The following DNAH10 variants were observed in gnomAD, a reference collection of about 807,000 sequenced individuals.
DNAH10 encodes the protein axonemal beta dynein heavy chain 10.
Under a neutral mutation model 506.6 loss-of-function variants are expected in DNAH10, and 348 were observed. The observed-to-expected ratio is 0.69, with a 90% confidence interval of 0.63 to 0.75. The LOEUF is 0.75. Among genes scored for constraint, DNAH10 ranks in the 30% least tolerant of loss-of-function variants. The pLI, the probability that DNAH10 is intolerant of heterozygous loss-of-function variation, is 0.00. For synonymous variants in DNAH10, 2,059 were observed against 2,198.6 expected (o/e 0.94, Z 1.78); for missense variants, 5,179 against 5,787.1 (o/e 0.89, Z 3.41).
Position 123,767,624 on chromosome 12 carries a change from CTGAAG to C in DNAH10, c.234_238del (p.Glu79GlyfsTer17). The C allele has an allele frequency of 6.2e-7, 1 of 1,612,672 alleles. No homozygotes were observed. The highest frequency in any genetic ancestry group is 2.2e-5 in the East Asian group (1 of 44,852). On this transcript the variant is annotated frameshift_variant, in exon 2 of 79. Transcript: ENST00000673944. LOFTEE classifies it high-confidence loss of function. ...CATAAAGATGAGATACCTGTCCTGT[CTGAAG>C]AGGGAGAAGAGGAAGAAGAGACTTA...
rs143792159 is a variant in DNAH10, at chr12:123,910,281, C to T, written c.9998-255C>T. On this transcript the variant is annotated intron_variant, in intron 58 of 78. Coordinates refer to ENST00000673944, the MANE Select transcript of DNAH10 (RefSeq NM_001372106.1). The stretch of plus-strand genomic sequence containing the variant: ...ACCTGGGTGCCCAGTTGGGAGTCTC[C>T]GTTACGCCCTGGGTCTCCTGTGTGA... Among the ~76,000 whole-genome samples the T allele has an allele frequency of 3.3e-3, 496 of 152,246 alleles. 3 individuals carry two copies. Among genetic ancestry groups the T allele is most frequent in the African/African-American group, 0.011 (469 of 41,536 alleles).
rs766752751 is a variant in DNAH10 at position 123,800,241 on chromosome 12, C to T, written c.2315C>T (p.Ser772Leu). The change falls in exon 15 of 79, where the codon TCG becomes TTG. Residue 772 changes from serine to leucine, a missense_variant. Around this residue, in one of 3 missense-constraint regions of DNAH10, gnomAD observed 4,844 missense variants for 5,430.5 expected, o/e 0.89. Transcript: ENST00000673944. ...TCTTCCATCGCCACAGAGGAGCCTT[C>T]GACTTTAGAAAGGGGAGCTGTTTTT... ...TKSSIATEEP[S>L]TLERGAVFAI... is the part of the protein sequence containing the mutation. The T allele has an allele frequency of 2.4e-5, 39 of 1,613,740 alleles. No homozygotes were observed. The highest frequency in any genetic ancestry group is 9.9e-5 in the South Asian group (9 of 91,010).
intron 7 of DNAH10, 93 bp from the exon 8 acceptor site, chr12:123,783,854 T>C: frequency 8.4e-7 from 1 of 1,186,442 alleles, no homozygotes; most frequent in Non-Finnish European, 1.2e-6. Flanking sequence ...ATTGGAGCAG[T>C]TGGACAGAAA....
At chr12:123,935,211 G>A (rs1174246434) in intron 78 of DNAH10, 124 bp from the exon 79 acceptor site, 4 of 1,182,054 alleles carry the variant, frequency 3.4e-6, no homozygotes, top group Non-Finnish European at 4.8e-6. Flanking sequence ...CCCCAGCCTT[G>A]TGCGTGTTCT....
At chr12:123,911,894 A>T (rs1174497785) in intron 59 of DNAH10, among the ~76,000 whole-genome samples, 3 of 6,920 alleles carry the variant, frequency 4.3e-4, no homozygotes, top group African/African-American at 1.5e-3. Flanking sequence ...TCCCGGGGGG[A>T]CTGTCCCGGG....
chr12:123,778,733 T>C (rs1161347667), intron 5 of DNAH10, among the ~76,000 whole-genome samples: 1 of 152,044 alleles, frequency 6.6e-6, no homozygotes, highest in Non-Finnish European at 1.5e-5. Context: ...TTCAAATGCA[T>C]GAGTTAAAAA....
Position 123,864,650 on chromosome 12 carries a change from G to A in DNAH10, c.6964G>A (p.Val2322Met). 6.2e-6 allele frequency: 10 copies of A among 1,614,004 alleles called. No homozygotes were observed. Among genetic ancestry groups the A allele is most frequent in the Non-Finnish European group, 7.6e-6 (9 of 1,179,894 alleles). ...DALWVENMNSVMDDNRLLTLA... is the reference protein window; with the variant it reads ...DALWVENMNSMMDDNRLLTLA... ...TCTATGGGTGGAAAACATGAATTCT[G>A]TGATGGATGACAACAGGTTGTTGAC... The change falls in exon 40 of 79, where the codon GTG becomes ATG. Residue 2322 changes from valine (V) to methionine (M), a missense_variant. This residue lies in a region of DNAH10 where 4,844 missense variants were observed against 5,430.5 expected (regional missense o/e 0.89). Coordinates refer to ENST00000673944, the MANE Select transcript of DNAH10 (RefSeq NM_001372106.1).
rs762465091 is a variant in DNAH10, at chr12:123,864,713, T to C, written c.7027T>C (p.Cys2343Arg). 11 of 1,613,754 alleles carry C rather than the reference T, an allele frequency of 6.8e-6. No homozygotes were observed. Among genetic ancestry groups the C allele is most frequent in the South Asian group, 4.4e-5 (4 of 90,980 alleles). The change falls in exon 40 of 79, where the codon TGT becomes CGT. Residue 2343 changes from cysteine to arginine, a missense_variant. Physicochemically the swap from Cys to Arg is radical, Grantham distance 180 (BLOSUM62 -3). Coordinates refer to ENST00000673944, the MANE Select transcript of DNAH10 (RefSeq NM_001372106.1). The stretch of plus-strand genomic sequence containing the variant: ...GGAACGCATCCGGCTCCAAGCACAC[T>C]GTGCCCTGCTCTTTGAGGCAAGTAG... The part of the protein sequence containing the change: ...NGERIRLQAH[C>R]ALLFEVGDLQ...
At chr12:123,811,972 G>A (rs78883615) in intron 19 of DNAH10, among the ~76,000 whole-genome samples, 24,311 of 152,072 alleles carry the variant, frequency 0.16, 2,828 homozygotes, top group African/African-American at 0.33. Flanking sequence ...AATATTGGAA[G>A]CAGAAGTATT....
intron 2 of DNAH10, 66 bp from the exon 3 acceptor site, chr12:123,771,535 C>A: frequency 1.5e-6 from 2 of 1,332,894 alleles, no homozygotes; most frequent in Non-Finnish European, 2.1e-6. Context: ...AAATGCAGGG[C>A]TGCTCTTGAT....
intron 11 of DNAH10, among the ~76,000 whole-genome samples, chr12:123,792,781 C>A (rs1003220528): frequency 6.6e-6 from 1 of 152,048 alleles, no homozygotes; most frequent in African/African-American, 2.4e-5. Flanking sequence ...CTTTTTGAGC[C>A]TGTTACAAAG....
In DNAH10 at chr12:123,926,818, A is replaced by G. The variant is rs1190523896; in HGVS notation, c.12103A>G (p.Lys4035Glu). ...CCTTGCAATGGGTCAAGGTCAAGAAAAGGTAATTTGTGGCTGAAAGGAACA... is the reference window on the plus strand; with the variant it reads ...CCTTGCAATGGGTCAAGGTCAAGAAGAGGTAATTTGTGGCTGAAAGGAACA... ...KFLAMGQGQE[K>E]VALQLLETAV... The change falls in exon 69 of 79, where the codon AAG (lysine) becomes GAG (glutamate). Residue 4035 changes from lysine to glutamate, a missense_variant and splice_region_variant. By Grantham distance (56) the Lys-to-Glu change is moderately conservative. Coordinates refer to ENST00000673944, the MANE Select transcript of DNAH10 (RefSeq NM_001372106.1). The surrounding 1 kb of genome is among the most constrained non-coding windows in gnomAD (Gnocchi z 4.1). 6.2e-7 allele frequency: 1 copy of G among 1,613,768 alleles called. No homozygotes were observed. The highest frequency in any genetic ancestry group is 1.3e-5 in the African/African-American group (1 of 75,018).
intron 48 of DNAH10, 126 bp from the exon 49 acceptor site, chr12:123,879,138 G>T (rs78591679): frequency 1.3e-5 from 9 of 714,394 alleles, no homozygotes; most frequent in Non-Finnish European, 1.9e-5. Context: ...GACTAGGGGG[G>T]CACGACTGGA....
chr12:123,844,997 A>G (rs965136969), intron 30 of DNAH10, among the ~76,000 whole-genome samples: 2 of 152,140 alleles, frequency 1.3e-5, no homozygotes, highest in African/African-American at 2.4e-5. Flanking sequence ...TTGAAAACCT[A>G]TAATCAAATA....
intron 53 of DNAH10, among the ~76,000 whole-genome samples, chr12:123,893,970 ACT>A (rs940156311): frequency 2.6e-5 from 4 of 151,302 alleles, no homozygotes; most frequent in Non-Finnish European, 2.9e-5. Flanking sequence ...AGGGTGAGAA[ACT>A]CTGCTTTTGA....
chr12:123,931,242 G>GA, intron 73 of DNAH10, 99 bp from the exon 74 acceptor site: 2 of 1,527,400 alleles, frequency 1.3e-6, no homozygotes, highest in Non-Finnish European at 1.8e-6. Flanking sequence ...CTAAACAGTG[G>GA]AAATTAGTCT....
chr12:123,767,906 T>C (rs894140223), intron 2 of DNAH10, among the ~76,000 whole-genome samples: 1 of 152,146 alleles, frequency 6.6e-6, no homozygotes, highest in Non-Finnish European at 1.5e-5. Context: ...CACAGATGTA[T>C]TCTCTCACAA....
rs757776928 is a variant in DNAH10 at position 123,902,938 on chromosome 12, G to C, written c.9641-1G>C. On this transcript the variant is annotated splice_acceptor_variant, in intron 56 of 78. Coordinates refer to ENST00000673944, the MANE Select transcript of DNAH10 (RefSeq NM_001372106.1). LOFTEE classifies it high-confidence loss of function. This position sits in a 1 kb window ranked among gnomAD's most constrained non-coding sequence, Gnocchi z 4.5. ...TACTCACCCCCTGTCCTACCCTGCAGCCGAGGAGAAGAAGAAACTGGCAGA... is the reference window on the plus strand; with the variant it reads ...TACTCACCCCCTGTCCTACCCTGCACCCGAGGAGAAGAAGAAACTGGCAGA... 2 of 1,579,606 alleles carry C rather than the reference G, an allele frequency of 1.3e-6. No individual in the cohort carries two copies. Among genetic ancestry groups the C allele is most frequent in the East Asian group, 4.7e-5 (2 of 42,784 alleles).
chr12:123,775,011 G>A (rs187414473), intron 5 of DNAH10, among the ~76,000 whole-genome samples: 1 of 152,344 alleles, frequency 6.6e-6, no homozygotes, highest in Admixed American at 6.5e-5. Flanking sequence ...GTGGCATGAG[G>A]AAAATAAACC....
Sources: allele counts gnomAD v4.1 joint callset (sites outside exome capture counted in the v4.1 genomes callset), GRCh38; gene constraint gnomAD v4.1.1; regional missense constraint gnomAD v4.1.1; non-coding constraint Gnocchi (gnomAD v3.1); transcripts MANE v1.5; gene names NCBI Gene and HGNC (gene_info 2026-07-23, HGNC 2026-07-21).